The following UBAP2 variants were observed in gnomAD, a reference collection of about 807,000 sequenced individuals.
UBAP2 encodes the protein ubiquitin associated protein 2.
A neutral mutation model predicts 139.6 loss-of-function variants in UBAP2; 75 were observed. The observed-to-expected ratio is 0.54, with a 90% CI of 0.45 to 0.65. The LOEUF (loss-of-function observed/expected upper bound fraction) is 0.65, where lower values mean the gene tolerates loss of function less well. UBAP2 is among the 30% of genes least tolerant of loss of function. UBAP2 has a pLI of 0.00. For missense variants in UBAP2, 1,368 were observed against 1,369.6 expected, an observed-to-expected ratio of 1.00 and a Z score of 0.02; for synonymous variants, 526 against 526.2, an observed-to-expected ratio of 1.00 and a Z score of 0.01.
chr9:34,000,558 T>C (rs1181583385), intron 2 of UBAP2, among the ~76,000 whole-genome samples: 1 of 152,150 alleles, frequency 6.6e-6, no homozygotes, highest in East Asian at 1.9e-4. Context: ...TACTCCAAAA[T>C]AGTTTAAGTT....
chr9:34,006,064 C>T (rs1823184612), intron 2 of UBAP2, among the ~76,000 whole-genome samples: 1 of 151,646 alleles, frequency 6.6e-6, no homozygotes, highest in Non-Finnish European at 1.5e-5. Context: ...AACCCCATCT[C>T]TACTAAAAAT....
Position 34,017,074 on chromosome 9 carries a change from C to T in UBAP2, c.75G>A (p.Thr25=), listed in dbSNP as rs147991027. ...CCTGTACCACTTGTTTCTGTGGTTG[C>T]GTTGATTGTGCTGCTGAAATCTGTG... ...EKPQISAAQS[T]QPQKQVVQAT... Residue 25 remains threonine, a synonymous_variant, in exon 2 of 29, where the codon ACG becomes ACA. Coordinates refer to ENST00000379238, the MANE Select transcript of UBAP2 (RefSeq NM_001370062.2). The T allele has an allele frequency of 4.5e-5, 72 of 1,607,122 alleles. No individual in the cohort carries two copies. In the Middle Eastern group the frequency reaches 8.3e-4, roughly 18 times the overall value.
rs189607126 is a variant in UBAP2 at position 34,040,288 on chromosome 9, C to A, written c.-42+8537G>T. Among the ~76,000 whole-genome samples the A allele has an allele frequency of 2.2e-5, 3 of 136,560 alleles. No homozygotes were observed. In the East Asian group the frequency reaches 7.1e-4, roughly 32 times the overall value. The allele number at this position is 136,560 out of a possible 152,430, so 89.6% of individuals were successfully genotyped here. ...GCAGTGAGCCGAGCCCACGCCATTG[C>A]ACTCCAGCCTGGGTGACAGAATGAG... On this transcript the variant is annotated intron_variant, in intron 1 of 28. Coordinates refer to ENST00000379238, the MANE Select transcript of UBAP2 (RefSeq NM_001370062.2).
chr9:34,040,874 C>T (rs1178701753), intron 1 of UBAP2, among the ~76,000 whole-genome samples: 2 of 152,158 alleles, frequency 1.3e-5, no homozygotes, highest in African/African-American at 2.4e-5. Context: ...TTTCTGTGTT[C>T]TGTGGTTCAG....
At chr9:33,965,678 A>G (rs1470358623) in intron 8 of UBAP2, among the ~76,000 whole-genome samples, 2 of 152,186 alleles carry the variant, frequency 1.3e-5, no homozygotes, top group Non-Finnish European at 2.9e-5. Context: ...AGCCATATGT[A>G]TATGTGTTTA....
chr9:33,942,293 A>G (rs1200692025), intron 15 of UBAP2, among the ~76,000 whole-genome samples: 1 of 152,040 alleles, frequency 6.6e-6, no homozygotes, highest in Non-Finnish European at 1.5e-5. Flanking sequence ...GCCTGGCGAC[A>G]GAGCAAGACT....
intron 1 of UBAP2, among the ~76,000 whole-genome samples, chr9:34,034,754 T>C (rs866637246): frequency 2.6e-5 from 4 of 152,196 alleles, no homozygotes; most frequent in Admixed American, 1.3e-4. Context: ...GAGCCTATAG[T>C]CCCAGCTACT....
At chr9:34,022,637 C>T (rs1825062085) in intron 1 of UBAP2, among the ~76,000 whole-genome samples, 1 of 151,654 alleles carries the variant, frequency 6.6e-6, no homozygotes, top group Non-Finnish European at 1.5e-5. Flanking sequence ...TGGGGTTTCA[C>T]CATGTTGGCC....
Position 33,943,325 on chromosome 9 carries a change from C to A in UBAP2, c.1715+95G>T, listed in dbSNP as rs2130932534. 6.2e-6 allele frequency: 8 copies of A among 1,283,752 alleles called. No individual in the cohort carries two copies. The African/African-American group carries it at 8.9e-5, about 14-fold the overall frequency. The allele number at this position is 1,283,752 out of a possible 1,614,324, so 79.5% of individuals were successfully genotyped here. ...AGATGATGGAAGGTCTGGATAAACACTGAGGATAGCTATTACCACAGGATG... is the reference window on the plus strand; with the variant it reads ...AGATGATGGAAGGTCTGGATAAACAATGAGGATAGCTATTACCACAGGATG... On this transcript the variant is annotated intron_variant, in intron 15 of 28. Transcript: ENST00000379238.
intron 2 of UBAP2, among the ~76,000 whole-genome samples, chr9:34,016,712 C>G (rs185614405): frequency 1.3e-5 from 2 of 151,652 alleles, no homozygotes; most frequent in African/African-American, 4.8e-5. Context: ...CACACCACCA[C>G]GCCCAGCTAA....
At chr9:33,979,063 C>T (rs1308911807) in intron 6 of UBAP2, among the ~76,000 whole-genome samples, 2 of 152,030 alleles carry the variant, frequency 1.3e-5, no homozygotes, top group Non-Finnish European at 2.9e-5. Context: ...CACACAGAGA[C>T]CTGCCTACAA....
chr9:34,017,017 G>A (rs73645565), intron 2 of UBAP2, 33 bp downstream of exon 2: 173 of 1,255,548 alleles, frequency 1.4e-4, no homozygotes, highest in East Asian at 4.8e-4. Flanking sequence ...GAAAAAAAAG[G>A]AAAAAAAAAA....
intron 2 of UBAP2, among the ~76,000 whole-genome samples, chr9:34,006,894 C>G (rs1453317023): frequency 6.6e-6 from 1 of 152,104 alleles, no homozygotes; most frequent in Non-Finnish European, 1.5e-5. Flanking sequence ...ACAGTGACTA[C>G]TGAACATATT....
chr9:34,018,538 T>A (rs1824601627), intron 1 of UBAP2, among the ~76,000 whole-genome samples: 1 of 151,712 alleles, frequency 6.6e-6, no homozygotes, highest in Admixed American at 6.6e-5. Context: ...CAAAGCAGAG[T>A]CTCAAAGAGA....
chr9:34,016,313 AAGAGAAGGAGGAAGAGGAG>A (rs1824307453), intron 2 of UBAP2, among the ~76,000 whole-genome samples: 1 of 53,730 alleles, frequency 1.9e-5, no homozygotes, highest in African/African-American at 6.2e-5. Context: ...GAAGAGGAGG[AAGAGAAGGAGGAAGAGGAG>A]GAGGAGGAAG....
chr9:33,960,987 C>T, intron 9 of UBAP2, 109 bp from the exon 10 acceptor site: 1 of 974,240 alleles, frequency 1.0e-6, no homozygotes, highest in Non-Finnish European at 1.6e-6. Context: ...ACATACGCCT[C>T]ACTAGCAATT....
chr9:33,946,703 A>G (rs1825680102), intron 13 of UBAP2, among the ~76,000 whole-genome samples: 1 of 152,188 alleles, frequency 6.6e-6, no homozygotes, highest in African/African-American at 2.4e-5. Flanking sequence ...GAGTGTCAAC[A>G]GAATTTAATT....
In UBAP2 at chr9:33,993,925, C is replaced by T. The variant is rs1471072840; in HGVS notation, c.288+2298G>A. Among the ~76,000 whole-genome samples the T allele has an allele frequency of 2.2e-5, 3 of 137,244 alleles. No individual in the cohort carries two copies. The Admixed American group carries it at 2.5e-4, about 12-fold the overall frequency. The allele number at this position is 137,244 out of a possible 152,430, so 90.0% of individuals were successfully genotyped here. ...TTTTTTTTTTTTTGAGACCGAGTCT[C>T]GCACTGTCGCCTGGGCTGGAGTGCA... On this transcript the variant is annotated intron_variant, in intron 4 of 28. Coordinates refer to ENST00000379238, the MANE Select transcript of UBAP2 (RefSeq NM_001370062.2).
intron 6 of UBAP2, among the ~76,000 whole-genome samples, chr9:33,973,450 A>C (rs307683): frequency 0.4 from 60,537 of 151,992 alleles, 12,443 homozygotes; most frequent in South Asian, 0.48. Context: ...GAATTAAATT[A>C]TCCTTGTATT....
Sources: allele counts gnomAD v4.1 joint callset (sites outside exome capture counted in the v4.1 genomes callset), GRCh38; gene constraint gnomAD v4.1.1; transcripts MANE v1.5; gene names NCBI Gene and HGNC (gene_info 2026-07-23, HGNC 2026-07-21).